Variants in SSBP2 observed in about 807,000 individuals in gnomAD.
SSBP2 encodes the protein single-stranded DNA-binding protein 2.
A neutral mutation model predicts 61.8 loss-of-function variants in SSBP2; 17 were observed. The observed-to-expected ratio is 0.28, with a 90% CI of 0.19 to 0.41. The LOEUF (loss-of-function observed/expected upper bound fraction) is 0.41, where lower values mean the gene tolerates loss of function less well. Among genes scored for constraint, SSBP2 ranks in the 10% least tolerant of loss-of-function variants. SSBP2 has a pLI of 1.00. For synonymous variants in SSBP2, 139 were observed against 141.3 expected, an observed-to-expected ratio of 0.98 and a Z score of 0.12; for missense variants, 310 against 458.7, an observed-to-expected ratio of 0.68 and a Z score of 2.96.
chr5:81,428,685 T>C lies in SSBP2; in HGVS notation c.958-2A>G. ...CAGGCTCATATTATTGGGAGAATTC[T>C]GTAAACAAGATTTAGAAAACAAGGC... On this transcript the variant is annotated splice_acceptor_variant, in intron 15 of 16. Transcript: ENST00000320672. LOFTEE classifies it high-confidence loss of function. 6.2e-7 allele frequency: 1 copy of C among 1,609,864 alleles called. No individual in the cohort carries two copies. Among genetic ancestry groups the C allele is most frequent in the Non-Finnish European group, 8.5e-7 (1 of 1,176,724 alleles).
intron 4 of SSBP2, among the ~76,000 whole-genome samples, chr5:81,584,166 GA>G (rs1449126305): frequency 6.6e-6 from 1 of 152,062 alleles, no homozygotes; most frequent in African/African-American, 2.4e-5. Flanking sequence ...AGTGATCTGT[GA>G]AATATTTAAA....
chr5:81,490,771 A>C (rs1247514686), intron 5 of SSBP2, among the ~76,000 whole-genome samples: 3 of 152,186 alleles, frequency 2.0e-5, no homozygotes, highest in African/African-American at 7.2e-5. Flanking sequence ...CTTCACAATT[A>C]AGTGAGCAAT....
At chr5:81,551,304 C>T (rs1772170688) in intron 4 of SSBP2, among the ~76,000 whole-genome samples, 2 of 151,940 alleles carry the variant, frequency 1.3e-5, no homozygotes, top group Admixed American at 6.6e-5. Flanking sequence ...TATGTATCTG[C>T]TTGATAACAA....
intron 4 of SSBP2, among the ~76,000 whole-genome samples, chr5:81,604,900 G>A (rs2917540): frequency 6.6e-6 from 1 of 151,934 alleles, no homozygotes; most frequent in Admixed American, 6.6e-5. Flanking sequence ...ATTTTAGACA[G>A]TATTGAACAT....
At chr5:81,424,832 A>T (rs1377952264) in intron 16 of SSBP2, among the ~76,000 whole-genome samples, 2 of 152,210 alleles carry the variant, frequency 1.3e-5, no homozygotes. Flanking sequence ...GAGACATAAA[A>T]TATTCATGGT....
At chr5:81,548,613 T>C (rs549727108) in intron 4 of SSBP2, among the ~76,000 whole-genome samples, 3 of 152,118 alleles carry the variant, frequency 2.0e-5, no homozygotes, top group African/African-American at 4.8e-5. Context: ...AAATGGGCTA[T>C]GGAATATATT....
chr5:81,680,430 T>G (rs1005091623), intron 1 of SSBP2, among the ~76,000 whole-genome samples: 2 of 151,076 alleles, frequency 1.3e-5, no homozygotes, highest in Non-Finnish European at 1.5e-5. Flanking sequence ...GCCATCACAT[T>G]AAACGTCAGT....
chr5:81,429,280 A>G (rs1762144111), intron 15 of SSBP2, among the ~76,000 whole-genome samples: 1 of 152,252 alleles, frequency 6.6e-6, no homozygotes, highest in African/African-American at 2.4e-5. Context: ...GGCTCAAAAG[A>G]AAACTGCTTT....
At chr5:81,616,591 G>C (rs1355894157) in intron 3 of SSBP2, 1 of 146,410 alleles carries the variant, frequency 6.8e-6, no homozygotes, top group Non-Finnish European at 1.5e-5. Context: ...GAACTGGGTG[G>C]AGCCCACCAC....
intron 4 of SSBP2, among the ~76,000 whole-genome samples, chr5:81,559,711 A>T (rs548373690): frequency 6.6e-6 from 1 of 152,248 alleles, no homozygotes; most frequent in African/African-American, 2.4e-5. Context: ...CTTCATTTTA[A>T]TACATATGAC....
intron 4 of SSBP2, among the ~76,000 whole-genome samples, chr5:81,587,232 C>A (rs1322820084): frequency 6.6e-6 from 1 of 152,120 alleles, no homozygotes; most frequent in Non-Finnish European, 1.5e-5. Context: ...TATTTTGTCT[C>A]ATTTACATTA....
intron 4 of SSBP2, among the ~76,000 whole-genome samples, chr5:81,612,916 A>C (rs1268483731): frequency 6.6e-6 from 1 of 151,494 alleles, no homozygotes; most frequent in Non-Finnish European, 1.5e-5. Flanking sequence ...CAAGTCTTTC[A>C]AACTATTATA....
intron 4 of SSBP2, among the ~76,000 whole-genome samples, chr5:81,603,542 A>C (rs1274367382): frequency 6.6e-6 from 1 of 152,214 alleles, no homozygotes; most frequent in Non-Finnish European, 1.5e-5. Context: ...AGCATGTTGC[A>C]TGGCAGGTAC....
chr5:81,609,875 C>G (rs1561601053), intron 4 of SSBP2, among the ~76,000 whole-genome samples: 1 of 152,188 alleles, frequency 6.6e-6, no homozygotes, highest in East Asian at 1.9e-4. Flanking sequence ...TTCCCCTATT[C>G]TGAGCCCATA....
rs1306912985 is a variant in SSBP2, at chr5:81,543,422, T to G, written c.283-29705A>C. ...CAGGAACAGAAAACCAAATATCACA[T>G]GTTCTCACTCAGAATTGGGGGCTAA... is the stretch of plus-strand genomic sequence containing the variant. On this transcript the variant is annotated intron_variant, in intron 4 of 16. Transcript: ENST00000320672. 3.9e-5 allele frequency among the ~76,000 whole-genome samples: 6 copies of G among 152,282 alleles called. No homozygotes were observed. The South Asian group carries it at 1.2e-3, about 32-fold the overall frequency.
chr5:81,708,362 T>C (rs1002354763), intron 1 of SSBP2, among the ~76,000 whole-genome samples: 4 of 152,174 alleles, frequency 2.6e-5, no homozygotes, highest in African/African-American at 9.6e-5. Flanking sequence ...AATCCTGATA[T>C]GTATTTGAAT....
intron 1 of SSBP2, among the ~76,000 whole-genome samples, chr5:81,723,259 T>C (rs1202991259): frequency 6.6e-6 from 1 of 152,042 alleles, no homozygotes; most frequent in African/African-American, 2.4e-5. Context: ...AAGAGTTATA[T>C]ATTTAGTAAT....
At chr5:81,437,576 G>A (rs1176044607) in intron 14 of SSBP2, 118 bp from the exon 15 acceptor site, 9 of 884,386 alleles carry the variant, frequency 1.0e-5, no homozygotes, top group Non-Finnish European at 3.4e-6. Context: ...TATAGCTCCT[G>A]AGTTTTTAAA....
intron 1 of SSBP2, among the ~76,000 whole-genome samples, chr5:81,657,720 T>C (rs1327224328): frequency 6.6e-6 from 1 of 152,154 alleles, no homozygotes; most frequent in Non-Finnish European, 1.5e-5. Context: ...AGATTAAACT[T>C]TGTGGCACTC....
Sources: gnomAD v4.1 joint callset for allele counts (sites outside exome capture counted in the v4.1 genomes callset) on GRCh38, gnomAD v4.1.1 for gene constraint, MANE v1.5 for transcripts, NCBI Gene and HGNC (gene_info 2026-07-23, HGNC 2026-07-21) for gene names.